SPHK1: variants seen among roughly 807,000 people sequenced by gnomAD.
SPHK1 encodes SK 1.
Under a neutral mutation model 14.6 loss-of-function variants are expected in SPHK1, and 10 were observed. That is an observed-to-expected ratio of 0.68 (90% CI 0.42 to 1.16). The LOEUF is 1.16. Among genes scored for constraint, SPHK1 ranks in the 50% most tolerant of loss-of-function variants. The pLI, the probability that SPHK1 is intolerant of heterozygous loss-of-function variation, is 0.00. For missense variants in SPHK1, 553 were observed against 525.4 expected (o/e 1.05, Z -0.51); for synonymous variants, 274 against 224.0 (o/e 1.22, Z -1.99).
Position 76,387,453 on chromosome 17 carries a change from A to G in SPHK1, c.1022A>G (p.Asp341Gly). 6.2e-7 allele frequency: 1 copy of G among 1,613,638 alleles called. No individual in the cohort carries two copies. Among genetic ancestry groups the G allele is most frequent in the Non-Finnish European group, 8.5e-7 (1 of 1,179,984 alleles). ...PKDGKGVFAV[D>G]GELMVSEAVQ... Reference sequence around the variant, plus strand: ...GATGGGAAAGGTGTGTTTGCAGTGGATGGGGAATTGATGGTTAGCGAGGCC... The same window carrying G: ...GATGGGAAAGGTGTGTTTGCAGTGGGTGGGGAATTGATGGTTAGCGAGGCC... The change falls in exon 6 of 6, where the codon GAT (aspartate) becomes GGT (glycine). Residue 341 changes from aspartate (D) to glycine (G), a missense_variant. Physicochemically the swap from Asp to Gly is moderately conservative, Grantham distance 94. Transcript: ENST00000592299. The surrounding 1 kb of genome is among the most constrained non-coding windows in gnomAD (Gnocchi z 4.1).
chr17:76,387,019 C>T lies in SPHK1; in HGVS notation c.588C>T (p.Thr196=). 6.2e-7 allele frequency: 1 copy of T among 1,613,672 alleles called. No homozygotes were observed. The highest frequency in any genetic ancestry group is 8.5e-7 in the Non-Finnish European group (1 of 1,180,008). The change falls in exon 6 of 6, where the codon ACC becomes ACT. Residue 196 remains threonine, a synonymous_variant. Transcript: ENST00000592299. The surrounding 1 kb of genome is among the most constrained non-coding windows in gnomAD (Gnocchi z 4.1). ...RLGEMRFTLG[T]FLRLAALRTY... is the part of the protein sequence containing the mutation. ...GGGAGATGCGCTTCACTCTGGGCAC[C>T]TTCCTGCGTCTGGCAGCCCTGCGCA...
rs761371116 is a variant in SPHK1, at chr17:76,386,529, T to C, written c.374+21T>C. On this transcript the variant is annotated intron_variant, in intron 5 of 5. Coordinates refer to ENST00000592299, the MANE Select transcript of SPHK1 (RefSeq NM_001142601.2). This position sits in a 1 kb window ranked among gnomAD's most constrained non-coding sequence, Gnocchi z 5.3. Reference sequence around the variant, plus strand: ...GCTGGGTGAGAGCCCAGGGCCAGAGTAGGCCTGTTTCCCGTCAGTGCTCCT... The same window carrying C: ...GCTGGGTGAGAGCCCAGGGCCAGAGCAGGCCTGTTTCCCGTCAGTGCTCCT... 5.6e-6 allele frequency: 9 copies of C among 1,599,536 alleles called. No homozygotes were observed. Among genetic ancestry groups the C allele is most frequent in the South Asian group, 2.2e-5 (2 of 90,418 alleles).
At position 76,385,723 on chromosome 17, in the gene SPHK1, C is replaced by T; in HGVS notation, c.10+69C>T. ...TTCCTCGCCAGGAATGATGGAACGC[C>T]CAGCTGGACGAAAGGGGCTGTGGAC... On this transcript the variant is annotated intron_variant, in intron 2 of 5. Coordinates refer to ENST00000592299, the MANE Select transcript of SPHK1 (RefSeq NM_001142601.2). This position sits in a 1 kb window ranked among gnomAD's most constrained non-coding sequence, Gnocchi z 5.3. 1 of 1,473,602 alleles carries T rather than the reference C, an allele frequency of 6.8e-7. No individual in the cohort carries two copies. The highest frequency in any genetic ancestry group is 9.1e-7 in the Non-Finnish European group (1 of 1,093,902). The allele number at this position is 1,473,602 out of a possible 1,614,324, so 91.3% of individuals were successfully genotyped here.
At chr17:76,383,634 G>T, upstream of SPHK1, 1 of 336,448 alleles carries the variant, frequency 3.0e-6, no homozygotes, top group South Asian at 2.1e-5. Flanking sequence ...GTCACCAATG[G>T]GCCTTGGCAA....
In SPHK1 at chr17:76,386,272, G is replaced by A; in HGVS notation, c.215G>A (p.Trp72Ter). ...GTGCGGTCGGAGGAGCTGGGCCGCT[G>A]GGACGCTCTGGTGGTCATGTCTGGA... ...ELVRSEELGR[W>*]DALVVMSGDG... The change falls in exon 4 of 6, where the codon TGG becomes TAG. Residue 72 changes from tryptophan to a stop codon, truncating the protein, a stop_gained. Transcript: ENST00000592299. LOFTEE classifies it high-confidence loss of function. This position sits in a 1 kb window ranked among gnomAD's most constrained non-coding sequence, Gnocchi z 5.3. 4 of 1,598,284 alleles carry A rather than the reference G, an allele frequency of 2.5e-6. No individual in the cohort carries two copies. Among genetic ancestry groups the A allele is most frequent in the Non-Finnish European group, 3.4e-6 (4 of 1,177,462 alleles).
Position 76,385,460 on chromosome 17 carries a change from C to A in SPHK1, c.-185C>A. On this transcript the variant is annotated 5_prime_UTR_variant, in exon 2 of 6. Coordinates refer to ENST00000592299, the MANE Select transcript of SPHK1 (RefSeq NM_001142601.2). The surrounding 1 kb of genome is among the most constrained non-coding windows in gnomAD (Gnocchi z 5.3). ...GTCTTCTCTCCCTCAGGTCCAGCCG[C>A]CGCAGGGAATGACGCCGGTGCTCCT... The A allele has an allele frequency of 6.4e-7, 1 of 1,551,476 alleles. No individual in the cohort carries two copies.
rs757835139 is a variant in SPHK1 at position 76,387,469 on chromosome 17, T to G, written c.1038T>G (p.Val346=). The G allele has an allele frequency of 1.9e-6, 3 of 1,613,368 alleles. No homozygotes were observed. In the South Asian group the frequency reaches 3.3e-5, roughly 18 times the overall value. The change falls in exon 6 of 6, where the codon GTT becomes GTG. Residue 346 remains valine, a synonymous_variant. Transcript: ENST00000592299. This position sits in a 1 kb window ranked among gnomAD's most constrained non-coding sequence, Gnocchi z 4.1. ...TTGCAGTGGATGGGGAATTGATGGT[T>G]AGCGAGGCCGTGCAGGGCCAGGTGC... is the stretch of plus-strand genomic sequence containing the variant. ...GVFAVDGELM[V]SEAVQGQVHP...
chr17:76,384,324 C>T (rs2071920402), upstream of SPHK1: 1 of 151,384 alleles, frequency 6.6e-6, no homozygotes. Flanking sequence ...GCCCCAGACA[C>T]TGCGCTCGCG....
chr17:76,386,124 G>A lies in SPHK1; in HGVS notation c.150G>A (p.Thr50=). ...TGGCTGAGGCTGAAATCTCCTTCAC[G>A]CTGATGCTCACTGGTGAGTACCTCT... ...PLLAEAEISF[T]LMLTERRNHA... Residue 50 remains threonine (T), a synonymous_variant, in exon 3 of 6, where the codon ACG becomes ACA. Transcript: ENST00000592299. The surrounding 1 kb of genome is among the most constrained non-coding windows in gnomAD (Gnocchi z 5.3). 2.5e-6 allele frequency: 4 copies of A among 1,596,228 alleles called. No homozygotes were observed. The South Asian group carries it at 3.3e-5, about 13-fold the overall frequency.
rs1261036521 is a variant in SPHK1, at chr17:76,386,361, G to A, written c.259-32G>A. 1.0e-5 allele frequency: 16 copies of A among 1,607,320 alleles called. No homozygotes were observed. Among genetic ancestry groups the A allele is most frequent in the Non-Finnish European group, 1.0e-5 (12 of 1,176,736 alleles). Reference sequence around the variant, plus strand: ...CTAGGCCTGGGGCTTGGCGCGGTGCGTCCCAGGCTGAGGCCACGTGTGCTT... The same window carrying A: ...CTAGGCCTGGGGCTTGGCGCGGTGCATCCCAGGCTGAGGCCACGTGTGCTT... On this transcript the variant is annotated intron_variant, in intron 4 of 5. Transcript: ENST00000592299. This position sits in a 1 kb window ranked among gnomAD's most constrained non-coding sequence, Gnocchi z 5.3.
Position 76,386,560 on chromosome 17 carries a change from G to T in SPHK1, c.374+52G>T. On this transcript the variant is annotated intron_variant, in intron 5 of 5. Transcript: ENST00000592299. This position sits in a 1 kb window ranked among gnomAD's most constrained non-coding sequence, Gnocchi z 5.3. Reference sequence around the variant, plus strand: ...TGTTTCCCGTCAGTGCTCCTCTACCGCGGGGGTTTTCTTGTCTAAGCTCCC... The same window carrying T: ...TGTTTCCCGTCAGTGCTCCTCTACCTCGGGGGTTTTCTTGTCTAAGCTCCC... 6.5e-7 allele frequency: 1 copy of T among 1,526,914 alleles called. No individual in the cohort carries two copies. 94.6% of individuals were successfully genotyped at this position (1,526,914 alleles called of 1,614,324 possible).
chr17:76,386,975 G>T lies in SPHK1; in HGVS notation c.544G>T (p.Glu182Ter). The change falls in exon 6 of 6, where the codon GAG (glutamate) becomes TAG (stop). Residue 182 changes from glutamate (E) to a stop codon, truncating the protein, a stop_gained. Transcript: ENST00000592299. LOFTEE classifies it low-confidence loss of function (END_TRUNC). The surrounding 1 kb of genome is among the most constrained non-coding windows in gnomAD (Gnocchi z 5.3). ...GFIADVDLES[E>*]KYRRLGEMRF... The stretch of plus-strand genomic sequence containing the variant: ...CATTGCTGATGTGGACCTAGAGAGT[G>T]AGAAGTATCGGCGTCTGGGGGAGAT... 6.2e-7 allele frequency: 1 copy of T among 1,613,660 alleles called. No individual in the cohort carries two copies. Among genetic ancestry groups the T allele is most frequent in the South Asian group, 1.1e-5 (1 of 91,074 alleles).
rs369937706 is a variant in SPHK1, at chr17:76,387,193, C to T, written c.762C>T (p.Asp254=). 8 of 1,613,030 alleles carry T rather than the reference C, an allele frequency of 5.0e-6. No homozygotes were observed. Among genetic ancestry groups the T allele is most frequent in the African/African-American group, 4.0e-5 (3 of 74,906 alleles). Residue 254 remains aspartate (D), a synonymous_variant, in exon 6 of 6, where the codon GAC becomes GAT. Transcript: ENST00000592299. The surrounding 1 kb of genome is among the most constrained non-coding windows in gnomAD (Gnocchi z 4.1). ...CCTCTCACTGGACAGTGGTGCCCGA[C>T]GAGGACTTTGTGCTAGTCCTGGCAC... ...PVPSHWTVVP[D]EDFVLVLALL...
upstream of SPHK1, chr17:76,383,794 G>GT (rs551992716): frequency 1.9e-4 from 243 of 1,272,566 alleles, no homozygotes; most frequent in African/African-American, 2.4e-3. Context: ...TTCTGAGCGC[G>GT]TTTCCGGCGC....
rs757130252 is a variant in SPHK1, at chr17:76,387,360, G to A, written c.929G>A (p.Arg310Lys). 1 of 1,613,890 alleles carries A rather than the reference G, an allele frequency of 6.2e-7. No homozygotes were observed. The highest frequency in any genetic ancestry group is 1.7e-5 in the Admixed American group (1 of 60,014). Residue 310 changes from arginine to lysine, a missense_variant, in exon 6 of 6, where the codon AGG (arginine) becomes AAG (lysine). Transcript: ENST00000592299. This position sits in a 1 kb window ranked among gnomAD's most constrained non-coding sequence, Gnocchi z 4.1. ...LRLFLAMEKG[R>K]HMEYECPYLV... is the part of the protein sequence containing the mutation. Reference sequence around the variant, plus strand: ...CTCTTCCTGGCCATGGAGAAGGGCAGGCATATGGAGTATGAATGCCCCTAC... The same window carrying A: ...CTCTTCCTGGCCATGGAGAAGGGCAAGCATATGGAGTATGAATGCCCCTAC...
In SPHK1 at chr17:76,385,291, T is replaced by C; in HGVS notation, c.-194-160T>C. 1 of 1,476,308 alleles carries C rather than the reference T, an allele frequency of 6.8e-7. No individual in the cohort carries two copies. Among genetic ancestry groups the C allele is most frequent in the Non-Finnish European group, 9.0e-7 (1 of 1,111,918 alleles). The allele number at this position is 1,476,308 out of a possible 1,614,324, so 91.5% of individuals were successfully genotyped here. On this transcript the variant is annotated intron_variant, in intron 1 of 5. Transcript: ENST00000592299. This position sits in a 1 kb window ranked among gnomAD's most constrained non-coding sequence, Gnocchi z 5.3. ...GCGCCCTTCTCAGGGATTGTAGGCTTAGTCACACGGCGGGGGCGCCCTCGG... is the reference window on the plus strand; with the variant it reads ...GCGCCCTTCTCAGGGATTGTAGGCTCAGTCACACGGCGGGGGCGCCCTCGG...
chr17:76,386,368 G>A lies in SPHK1; in HGVS notation c.259-25G>A, dbSNP rs373641082. On this transcript the variant is annotated intron_variant, in intron 4 of 5. Coordinates refer to ENST00000592299, the MANE Select transcript of SPHK1 (RefSeq NM_001142601.2). The surrounding 1 kb of genome is among the most constrained non-coding windows in gnomAD (Gnocchi z 5.3). ...TGGGGCTTGGCGCGGTGCGTCCCAG[G>A]CTGAGGCCACGTGTGCTTCAACAGG... 5.6e-6 allele frequency: 9 copies of A among 1,607,908 alleles called. No homozygotes were observed. Among genetic ancestry groups the A allele is most frequent in the African/African-American group, 2.7e-5 (2 of 74,840 alleles).
chr17:76,385,152 C>T lies in SPHK1; in HGVS notation c.-194-299C>T, dbSNP rs375392974. On this transcript the variant is annotated intron_variant, in intron 1 of 5. Transcript: ENST00000592299. The surrounding 1 kb of genome is among the most constrained non-coding windows in gnomAD (Gnocchi z 5.3). ...TTTTTACGCAGCTGGACTCCCCTCC[C>T]CCTGGCAGCCCCGAGGGGTGAGGAG... The T allele has an allele frequency of 2.5e-6, 4 of 1,594,876 alleles. No individual in the cohort carries two copies. The highest frequency in any genetic ancestry group is 3.4e-6 in the Non-Finnish European group (4 of 1,172,162).
chr17:76,387,493 G>A lies in SPHK1; in HGVS notation c.1062G>A (p.Val354=). 1 of 1,613,152 alleles carries A rather than the reference G, an allele frequency of 6.2e-7. No individual in the cohort carries two copies. The highest frequency in any genetic ancestry group is 8.5e-7 in the Non-Finnish European group (1 of 1,179,942). The part of the protein sequence containing the change: ...LMVSEAVQGQ[V]HPNYFWMVSG... ...TTAGCGAGGCCGTGCAGGGCCAGGT[G>A]CACCCAAACTACTTCTGGATGGTCA... Residue 354 remains valine (V), a synonymous_variant, in exon 6 of 6, where the codon GTG becomes GTA. Transcript: ENST00000592299. This position sits in a 1 kb window ranked among gnomAD's most constrained non-coding sequence, Gnocchi z 4.1.
Sources: allele counts gnomAD v4.1 joint callset, GRCh38; gene constraint gnomAD v4.1.1; non-coding constraint Gnocchi (gnomAD v3.1); transcripts MANE v1.5; gene names NCBI Gene and HGNC (gene_info 2026-07-23, HGNC 2026-07-21).